Variants in PLEKHN1 observed in about 807,000 individuals in gnomAD.
PLEKHN1 encodes pleckstrin homology domain containing N1, also known as pleckstrin homology domain-containing family N member 1.
Under a neutral mutation model 72.8 loss-of-function variants are expected in PLEKHN1, and 68 were observed. That is an observed-to-expected ratio of 0.93 (90% confidence interval 0.77 to 1.14). PLEKHN1 has a LOEUF of 1.14. Among genes scored for constraint, PLEKHN1 ranks in the 50% most tolerant of loss-of-function variants. The pLI, the probability that PLEKHN1 is intolerant of heterozygous loss-of-function variation, is 0.00. For synonymous variants in PLEKHN1, 454 were observed against 371.6 expected (o/e 1.22, Z -2.55); for missense variants, 1,015 against 840.5 (o/e 1.21, Z -2.57).
chr1:971,303 A>C (rs1304383176), intron 7 of PLEKHN1, 21 bp from the exon 8 acceptor site: 16 of 1,495,066 alleles, frequency 1.1e-5, no homozygotes, highest in Non-Finnish European at 1.4e-5. Context: ...TCATCGCCTG[A>C]CCCCACCCCC....
Position 970,470 on chromosome 1 carries a change from T to C in PLEKHN1, c.330+47T>C. 6.2e-7 allele frequency: 1 copy of C among 1,613,010 alleles called. No homozygotes were observed. Among genetic ancestry groups the C allele is most frequent in the South Asian group, 1.1e-5 (1 of 91,084 alleles). ...GCACGCTAAGGGTGCAGCATCCCCA[T>C]CAGCCTGGGGCTCCCCAGACTCCGC... On this transcript the variant is annotated intron_variant, in intron 3 of 15. Transcript: ENST00000379410. This position sits in a 1 kb window ranked among gnomAD's most constrained non-coding sequence, Gnocchi z 4.2.
rs376542157 is a variant in PLEKHN1 at position 971,221 on chromosome 1, T to C, written c.708+13T>C. The C allele has an allele frequency of 5.3e-5, 83 of 1,566,236 alleles. No individual in the cohort carries two copies. Among genetic ancestry groups the C allele is most frequent in the Non-Finnish European group, 5.9e-5 (68 of 1,156,020 alleles). On this transcript the variant is annotated intron_variant, in intron 7 of 15. Transcript: ENST00000379410. ...CCTGCCCGCACAGGTGGGTGGGAGG[T>C]GCGTGGGGCTGTAGGGGGATGGGAG...
Position 972,107 on chromosome 1 carries a change from C to T in PLEKHN1, c.822C>T (p.Asn274=), listed in dbSNP as rs1261690799. ...GELPLRAVHI[N]LEEKEKQIRS... is the part of the protein sequence containing the mutation. ...TCCCACTCCGTGCCGTCCACATCAA[C>T]CTGGAGGAGAAGGAGAAGCAGATCC... is the stretch of plus-strand genomic sequence containing the variant. The change falls in exon 9 of 16, where the codon AAC becomes AAT. Residue 274 remains asparagine (N), a synonymous_variant. Coordinates refer to ENST00000379410, the MANE Select transcript of PLEKHN1 (RefSeq NM_032129.3). The T allele has an allele frequency of 6.2e-7, 1 of 1,613,036 alleles. No homozygotes were observed. The highest frequency in any genetic ancestry group is 8.5e-7 in the Non-Finnish European group (1 of 1,179,926).
intron 14 of PLEKHN1, 100 bp downstream of exon 14, chr1:974,151 G>A (rs1391902029): frequency 2.7e-6 from 4 of 1,482,680 alleles, no homozygotes; most frequent in East Asian, 2.4e-5. Flanking sequence ...GAGGGAAACA[G>A]GAGGACGGGG....
rs1430834186 is a variant in PLEKHN1, at chr1:973,497, C to T, written c.1294-3C>T. 6.2e-7 allele frequency: 1 copy of T among 1,612,394 alleles called. No individual in the cohort carries two copies. The highest frequency in any genetic ancestry group is 1.3e-5 in the African/African-American group (1 of 74,928). On this transcript the variant is annotated splice_polypyrimidine_tract_variant and splice_region_variant and intron_variant, in intron 12 of 15. Transcript: ENST00000379410. Reference sequence around the variant, plus strand: ...GCCCATTTCTCCCACCTCTGCCCTGCAGCTGCACAGGCTGAGCCTGGAGAG... The same window carrying T: ...GCCCATTTCTCCCACCTCTGCCCTGTAGCTGCACAGGCTGAGCCTGGAGAG...
In PLEKHN1 at chr1:973,016, C is replaced by T. The variant is rs779580941; in HGVS notation, c.1152+6C>T. On this transcript the variant is annotated splice_donor_region_variant and intron_variant, in intron 11 of 15. Transcript: ENST00000379410. ...GCTCCTCCCAGCACACACCGGTGAG[C>T]GCTTACGGGGTGGCAGACGAAAGTG... 19 of 1,595,154 alleles carry T rather than the reference C, an allele frequency of 1.2e-5. No individual in the cohort carries two copies. The highest frequency in any genetic ancestry group is 5.4e-5 in the African/African-American group (4 of 74,726).
chr1:970,384 G>A lies in PLEKHN1; in HGVS notation c.291G>A (p.Val97=), dbSNP rs772096971. 1 of 1,613,406 alleles carries A rather than the reference G, an allele frequency of 6.2e-7. No individual in the cohort carries two copies. The highest frequency in any genetic ancestry group is 8.5e-7 in the Non-Finnish European group (1 of 1,179,942). ...RVPVRNLGKV[V]HYAKVQLRFQ... ...CTGTGAGGAACCTGGGAAAAGTTGT[G>A]CATTACGCCAAGGTCCAGCTGCGGT... The change falls in exon 3 of 16, where the codon GTG becomes GTA. Residue 97 remains valine (V), a synonymous_variant. Coordinates refer to ENST00000379410, the MANE Select transcript of PLEKHN1 (RefSeq NM_032129.3). This position sits in a 1 kb window ranked among gnomAD's most constrained non-coding sequence, Gnocchi z 4.2.
rs371800766 is a variant in PLEKHN1 at position 972,338 on chromosome 1, G to C, written c.916G>C (p.Gly306Arg). ...RVVCASYEDY[G>R]HWLLCLRAVT... ...GGTGTGCGCCAGCTACGAGGACTAC[G>C]GTCACTGGCTGCTGTGCCTTCGCGC... The change falls in exon 10 of 16, where the codon GGT (glycine) becomes CGT (arginine). Residue 306 changes from glycine (G) to arginine (R), a missense_variant. Physicochemically the swap from Gly to Arg is moderately radical, Grantham distance 125 (BLOSUM62 -2). Transcript: ENST00000379410. 2.5e-6 allele frequency: 4 copies of C among 1,612,274 alleles called. No homozygotes were observed. Among genetic ancestry groups the C allele is most frequent in the African/African-American group, 2.7e-5 (2 of 74,930 alleles).
In PLEKHN1 at chr1:972,934, C is replaced by G; in HGVS notation, c.1076C>G (p.Pro359Arg). ...TGGGACTCGGGGTGCTTGGCGCCCC[C>G]CTCCACCCGCACCAGCCACTCCCTG... ...TSWDSGCLAP[P>R]STRTSHSLPE... The change falls in exon 11 of 16, where the codon CCC becomes CGC. Residue 359 changes from proline to arginine, a missense_variant. By Grantham distance (103) the Pro-to-Arg change is moderately radical. Transcript: ENST00000379410. 1 of 1,564,320 alleles carries G rather than the reference C, an allele frequency of 6.4e-7. No homozygotes were observed. The highest frequency in any genetic ancestry group is 8.7e-7 in the Non-Finnish European group (1 of 1,154,302).
chr1:974,955 G>T lies in PLEKHN1; in HGVS notation c.*380G>T. On this transcript the variant is annotated 3_prime_UTR_variant, in exon 16 of 16. Transcript: ENST00000379410. Reference sequence around the variant, plus strand: ...AAAGGTCAGCAGGGTCAGAGTATGTGAGGTCAGAGGGCATGAGGGTCACAG... The same window carrying T: ...AAAGGTCAGCAGGGTCAGAGTATGTTAGGTCAGAGGGCATGAGGGTCACAG... 1 of 255,246 alleles carries T rather than the reference G, an allele frequency of 3.9e-6. No homozygotes were observed. 15.8% of individuals were successfully genotyped at this position (255,246 alleles called of 1,614,324 possible). A position where few individuals can be genotyped will look rare whatever the true frequency, so the allele number is the denominator to read the frequency against.
intron 12 of PLEKHN1, 27 bp from the exon 13 acceptor site, chr1:973,473 C>A (rs369460825): frequency 3.1e-6 from 5 of 1,609,012 alleles, no homozygotes; most frequent in Non-Finnish European, 4.2e-6. Context: ...AGCCGAGAAG[C>A]CCATTTCTCC....
In PLEKHN1 at chr1:972,313, GGT is replaced by G. The variant is rs1338784495; in HGVS notation, c.895_896del (p.Cys299ArgfsTer70). On this transcript the variant is annotated frameshift_variant, in exon 10 of 16. Transcript: ENST00000379410. LOFTEE classifies it high-confidence loss of function. ...EGPLINTIRV[V>X]CASYEDYGHW... The stretch of plus-strand genomic sequence containing the variant: ...GCCCCCTCATCAACACCATCCGCGT[GGT>G]GTGCGCCAGCTACGAGGACTACGGT... The G allele has an allele frequency of 6.2e-7, 1 of 1,612,456 alleles. No homozygotes were observed. The highest frequency in any genetic ancestry group is 8.5e-7 in the Non-Finnish European group (1 of 1,179,824).
intron 2 of PLEKHN1, among the ~76,000 whole-genome samples, chr1:967,587 C>T (rs1179697561): frequency 6.6e-6 from 1 of 152,130 alleles, no homozygotes; most frequent in Non-Finnish European, 1.5e-5. Flanking sequence ...GGACGCCTGC[C>T]CTGCACTCCT....
intron 8 of PLEKHN1, among the ~76,000 whole-genome samples, chr1:971,705 C>T (rs1048575139): frequency 6.6e-6 from 1 of 152,186 alleles, no homozygotes; most frequent in East Asian, 1.9e-4. Flanking sequence ...TGTGTGCACA[C>T]GTGCGTGTGC....
chr1:968,906 G>A (rs1643139824), intron 2 of PLEKHN1, among the ~76,000 whole-genome samples: 2 of 152,288 alleles, frequency 1.3e-5, no homozygotes, highest in South Asian at 4.2e-4. Flanking sequence ...GAGACCCCTC[G>A]GGGCACTGCC....
chr1:966,493 G>A lies in PLEKHN1; in HGVS notation c.-39G>A, dbSNP rs200516430. 1.1e-4 allele frequency: 171 copies of A among 1,560,576 alleles called. No individual in the cohort carries two copies. The East Asian group carries it at 3.8e-3, about 35-fold the overall frequency. On this transcript the variant is annotated 5_prime_UTR_variant, in exon 1 of 16. Coordinates refer to ENST00000379410, the MANE Select transcript of PLEKHN1 (RefSeq NM_032129.3). Reference sequence around the variant, plus strand: ...CGGGAGGCGGGGGCAGGAGGCTGTGGACAGGGACCCAGACTTGCCGACCTG... The same window carrying A: ...CGGGAGGCGGGGGCAGGAGGCTGTGAACAGGGACCCAGACTTGCCGACCTG...
rs1424623067 is a variant in PLEKHN1, at chr1:966,590, G to C, written c.59G>C (p.Arg20Thr). 1 of 1,610,950 alleles carries C rather than the reference G, an allele frequency of 6.2e-7. No homozygotes were observed. The highest frequency in any genetic ancestry group is 1.1e-5 in the South Asian group (1 of 91,028). The change falls in exon 1 of 16, where the codon AGA becomes ACA. Residue 20 changes from arginine (R) to threonine (T), a missense_variant. Coordinates refer to ENST00000379410, the MANE Select transcript of PLEKHN1 (RefSeq NM_032129.3). ...AGGAGGCTCCGGGCCTCCTTCTCCA[G>C]AAAGCCCTCGCTGAAGGGAAACAGG... ...APRRLRASFS[R>T]KPSLKGNRED...
At position 970,933 on chromosome 1, in the gene PLEKHN1, G is replaced by A. The variant is rs748354664; in HGVS notation, c.539G>A (p.Arg180His). 12 of 1,610,020 alleles carry A rather than the reference G, an allele frequency of 7.5e-6. No homozygotes were observed. The highest frequency in any genetic ancestry group is 5.5e-5 in the South Asian group (5 of 90,990). Residue 180 changes from arginine to histidine, a missense_variant, in exon 6 of 16, where the codon CGC becomes CAC. Transcript: ENST00000379410. The surrounding 1 kb of genome is among the most constrained non-coding windows in gnomAD (Gnocchi z 4.2). ...VLCPSRAELD[R>H]WLYHLEKQTA... Reference sequence around the variant, plus strand: ...TGCCCCAGCCGGGCCGAGCTGGACCGCTGGCTTTACCACCTGGAGAAGCAG... The same window carrying A: ...TGCCCCAGCCGGGCCGAGCTGGACCACTGGCTTTACCACCTGGAGAAGCAG...
In PLEKHN1 at chr1:973,027, T is replaced by C; in HGVS notation, c.1152+17T>C. ...CACACACCGGTGAGCGCTTACGGGG[T>C]GGCAGACGAAAGTGGGGCAGAAGGC... On this transcript the variant is annotated intron_variant, in intron 11 of 15. Transcript: ENST00000379410. The C allele has an allele frequency of 6.3e-7, 1 of 1,589,204 alleles. No individual in the cohort carries two copies. The highest frequency in any genetic ancestry group is 8.6e-7 in the Non-Finnish European group (1 of 1,165,876).
Sources: gnomAD v4.1 joint callset for allele counts (sites outside exome capture counted in the v4.1 genomes callset) on GRCh38, gnomAD v4.1.1 for gene constraint, Gnocchi (gnomAD v3.1) non-coding constraint, MANE v1.5 for transcripts, NCBI Gene and HGNC (gene_info 2026-07-23, HGNC 2026-07-21) for gene names.